The following KCNH7 variants were observed in gnomAD, a reference collection of about 807,000 sequenced individuals.
The protein encoded by KCNH7 is voltage-gated inwardly rectifying potassium channel KCNH7.
Under a neutral mutation model 120.8 loss-of-function variants are expected in KCNH7, and 49 were observed. The observed-to-expected ratio is 0.41, with a 90% confidence interval of 0.32 to 0.51. The LOEUF (loss-of-function observed/expected upper bound fraction) is 0.51, where lower values mean the gene tolerates loss of function less well. Among genes scored for constraint, KCNH7 ranks in the 20% least tolerant of loss-of-function variants. The pLI is 0.38. For missense variants in KCNH7, 1,097 were observed against 1,446.6 expected (o/e 0.76, Z 3.92); for synonymous variants, 547 against 516.1 (o/e 1.06, Z -0.81).
chr2:162,562,325 A>T (rs942784516), intron 2 of KCNH7, among the ~76,000 whole-genome samples: 4 of 152,162 alleles, frequency 2.6e-5, no homozygotes, highest in Non-Finnish European at 5.9e-5. Context: ...TGGTGTTCAT[A>T]CATAATTTAA....
chr2:162,644,431 C>A (rs1034466272), intron 2 of KCNH7, among the ~76,000 whole-genome samples: 20 of 152,050 alleles, frequency 1.3e-4, no homozygotes, highest in African/African-American at 4.8e-4. Flanking sequence ...TGAAAAAGCT[C>A]CCTTAGTTTC....
intron 6 of KCNH7, among the ~76,000 whole-genome samples, chr2:162,491,996 C>T (rs957559773): frequency 6.6e-6 from 1 of 152,092 alleles, no homozygotes; most frequent in Non-Finnish European, 1.5e-5. Flanking sequence ...AGTTAAGATC[C>T]CCAAACTTTA....
At chr2:162,695,151 GT>G (rs1686245983) in intron 2 of KCNH7, among the ~76,000 whole-genome samples, 1 of 152,092 alleles carries the variant, frequency 6.6e-6, no homozygotes. Context: ...TTTTGCAGTG[GT>G]TTTTGGATAC....
chr2:162,407,263 A>G (rs1214592793), intron 9 of KCNH7, among the ~76,000 whole-genome samples: 4 of 152,020 alleles, frequency 2.6e-5, no homozygotes, highest in Non-Finnish European at 4.4e-5. Flanking sequence ...AAAACCTGTC[A>G]CACACGGACA....
intron 2 of KCNH7, among the ~76,000 whole-genome samples, chr2:162,791,820 G>A (rs1042643884): frequency 2.0e-5 from 3 of 152,084 alleles, no homozygotes; most frequent in African/African-American, 7.2e-5. Flanking sequence ...ATGCTATGTT[G>A]AATAGGATTA....
chr2:162,815,895 T>A (rs1439553006), intron 2 of KCNH7, among the ~76,000 whole-genome samples: 1 of 152,190 alleles, frequency 6.6e-6, no homozygotes, highest in Non-Finnish European at 1.5e-5. Flanking sequence ...GTAGCACACA[T>A]GTATCTTTTG....
At chr2:162,493,382 G>A (rs572572767) in intron 6 of KCNH7, among the ~76,000 whole-genome samples, 6 of 152,246 alleles carry the variant, frequency 3.9e-5, no homozygotes, top group African/African-American at 7.2e-5. Flanking sequence ...AAGCTATAAT[G>A]CCTTTTAGTT....
At chr2:162,602,292 AGGT>A (rs1694586020) in intron 2 of KCNH7, among the ~76,000 whole-genome samples, 1 of 152,060 alleles carries the variant, frequency 6.6e-6, no homozygotes, top group South Asian at 2.1e-4. Context: ...ATGAACTGGA[AGGT>A]TGTTTAACAA....
At chr2:162,589,163 A>G (rs1694118699) in intron 2 of KCNH7, among the ~76,000 whole-genome samples, 1 of 152,118 alleles carries the variant, frequency 6.6e-6, no homozygotes, top group Admixed American at 6.5e-5. Context: ...GCAGAGTGGC[A>G]ATGTGGCCAT....
At chr2:162,740,233 G>A (rs568821140) in intron 2 of KCNH7, among the ~76,000 whole-genome samples, 1 of 152,326 alleles carries the variant, frequency 6.6e-6, no homozygotes, top group South Asian at 2.1e-4. Flanking sequence ...GAAAAAGTAG[G>A]AGTCAAATAT....
chr2:162,668,466 C>T (rs894942186), intron 2 of KCNH7, among the ~76,000 whole-genome samples: 2 of 152,164 alleles, frequency 1.3e-5, no homozygotes, highest in Non-Finnish European at 2.9e-5. Context: ...CTAAAAATCA[C>T]AAGCCACCAC....
At chr2:162,565,499 T>C (rs958392480) in intron 2 of KCNH7, among the ~76,000 whole-genome samples, 1 of 152,022 alleles carries the variant, frequency 6.6e-6, no homozygotes, top group Non-Finnish European at 1.5e-5. Flanking sequence ...AGGATGACAG[T>C]TTTTACTGAA....
intron 1 of KCNH7, among the ~76,000 whole-genome samples, chr2:162,838,074 T>C (rs1685723917): frequency 6.6e-6 from 1 of 152,220 alleles, no homozygotes; most frequent in African/African-American, 2.4e-5. Flanking sequence ...TCGAATAGTA[T>C]GGTCTGCTCT....
chr2:162,748,544 C>T (rs1255948965), intron 2 of KCNH7, among the ~76,000 whole-genome samples: 3 of 152,166 alleles, frequency 2.0e-5, no homozygotes, highest in Admixed American at 1.3e-4. Flanking sequence ...ACTCCTCATG[C>T]ATTACCATTA....
At chr2:162,788,260 C>T (rs1683786123) in intron 2 of KCNH7, among the ~76,000 whole-genome samples, 1 of 152,110 alleles carries the variant, frequency 6.6e-6, no homozygotes, top group Non-Finnish European at 1.5e-5. Context: ...GCAGTTTTGA[C>T]TTATGATAGT....
chr2:162,691,192 G>A (rs1686089916), intron 2 of KCNH7, among the ~76,000 whole-genome samples: 1 of 152,158 alleles, frequency 6.6e-6, no homozygotes, highest in Non-Finnish European at 1.5e-5. Flanking sequence ...TAGAAAGCAT[G>A]TTGATATGCC....
chr2:162,504,629 G>T lies in KCNH7; in HGVS notation c.942C>A (p.Leu314=). 1 of 1,612,218 alleles carries T rather than the reference G, an allele frequency of 6.2e-7. No individual in the cohort carries two copies. Among genetic ancestry groups the T allele is most frequent in the Non-Finnish European group, 8.5e-7 (1 of 1,178,710 alleles). ...GGTTTGAATCTGATGTGGATCCCAG[G>T]AGGCTTGACTTGATATGATTAAAAG... ...KGPFNHIKSS[L]LGSTSDSNLN... Residue 314 remains leucine, a synonymous_variant, in exon 6 of 16, where the codon CTC becomes CTA. Coordinates refer to ENST00000332142, the MANE Select transcript of KCNH7 (RefSeq NM_033272.4).
At chr2:162,461,994 A>G (rs570458771) in intron 6 of KCNH7, among the ~76,000 whole-genome samples, 10 of 152,142 alleles carry the variant, frequency 6.6e-5, no homozygotes, top group Non-Finnish European at 1.3e-4. Context: ...CAGTTTTAAA[A>G]TTTGAGTATA....
intron 2 of KCNH7, among the ~76,000 whole-genome samples, chr2:162,594,484 C>G (rs1463154380): frequency 1.3e-5 from 2 of 151,946 alleles, no homozygotes; most frequent in African/African-American, 4.8e-5. Flanking sequence ...TGTAATAACA[C>G]AGCTAGTTGA....
Sources: allele counts gnomAD v4.1 joint callset (sites outside exome capture counted in the v4.1 genomes callset), GRCh38; gene constraint gnomAD v4.1.1; transcripts MANE v1.5; gene names NCBI Gene and HGNC (gene_info 2026-07-23, HGNC 2026-07-21).